Variants in CPVL observed in about 807,000 individuals in gnomAD.
The protein encoded by CPVL is probable serine carboxypeptidase CPVL.
A neutral mutation model predicts 63.7 loss-of-function variants in CPVL; 51 were observed. The observed-to-expected ratio is 0.80, with a 90% confidence interval of 0.64 to 1.01. The LOEUF is 1.01. CPVL is among the 50% of genes least tolerant of loss of function. CPVL has a pLI of 0.00. For missense variants in CPVL, 530 were observed against 573.1 expected, an observed-to-expected ratio of 0.92 and a Z score of 0.77; for synonymous variants, 195 against 206.0, an observed-to-expected ratio of 0.95 and a Z score of 0.46.
chr7:29,107,108 A>G (rs1019536248), intron 3 of CPVL, among the ~76,000 whole-genome samples: 1 of 152,256 alleles, frequency 6.6e-6, no homozygotes, highest in Non-Finnish European at 1.5e-5. Flanking sequence ...GTGCCCTCCC[A>G]ACATGGCATC....
intron 1 of CPVL, among the ~76,000 whole-genome samples, chr7:29,187,551 C>A (rs143467783): frequency 0.034 from 5,122 of 152,024 alleles, 308 homozygotes; most frequent in East Asian, 0.19. Flanking sequence ...TGGAGAAACC[C>A]CGTCTCTACT....
intron 7 of CPVL, chr7:29,082,552 A>C (rs1015101375): frequency 7.1e-4 from 108 of 152,092 alleles, no homozygotes; most frequent in African/African-American, 2.4e-3. Context: ...ATCATTATTT[A>C]GTGTTTTTTC....
In CPVL at chr7:29,112,292, T is replaced by C. The variant is rs1214785007; in HGVS notation, c.288+412A>G. On this transcript the variant is annotated intron_variant, in intron 3 of 12. Coordinates refer to ENST00000265394, the MANE Select transcript of CPVL (RefSeq NM_031311.5). ...CTATACAAGGCCATGGCTGACTAGATATAAACATACTTAGCCACGCATTAC... is the reference window on the plus strand; with the variant it reads ...CTATACAAGGCCATGGCTGACTAGACATAAACATACTTAGCCACGCATTAC... 2.0e-5 allele frequency among the ~76,000 whole-genome samples: 3 copies of C among 152,272 alleles called. No individual in the cohort carries two copies. In the East Asian group the frequency reaches 5.8e-4, roughly 29 times the overall value.
intron 11 of CPVL, among the ~76,000 whole-genome samples, chr7:29,044,718 C>T (rs1256928510): frequency 6.6e-6 from 1 of 152,216 alleles, no homozygotes; most frequent in Non-Finnish European, 1.5e-5. Flanking sequence ...TCCACCCTTT[C>T]TCGATTTGTC....
intron 5 of CPVL, among the ~76,000 whole-genome samples, chr7:29,160,728 T>C (rs572181958): frequency 1.3e-5 from 2 of 152,262 alleles, no homozygotes; most frequent in East Asian, 3.9e-4. Flanking sequence ...AAACCACATA[T>C]GCACTGAGGC....
rs540178249 is a variant in CPVL, at chr7:29,159,279, G to A, written c.-11+22011C>T. Among the ~76,000 whole-genome samples the A allele has an allele frequency of 2.6e-4, 39 of 152,298 alleles. 1 individual carries two copies. The highest frequency in any genetic ancestry group is 2.1e-4 in the South Asian group (1 of 4,828). On this transcript the variant is annotated intron_variant, in intron 5 of 16. Transcript: ENST00000409850. ...GGAAACTGAGCACAGAAGAGGTCAC[G>A]TGGTTTTCCACTATCCACAGCTGGT... is the stretch of plus-strand genomic sequence containing the variant.
At position 29,092,691 on chromosome 7, in the gene CPVL, G is replaced by T; in HGVS notation, c.474C>A (p.Gly158=). The T allele has an allele frequency of 1.2e-6, 2 of 1,613,034 alleles. No individual in the cohort carries two copies. The highest frequency in any genetic ancestry group is 4.5e-5 in the East Asian group (2 of 44,864). ...CGTGGGTATCATCAGTAAAACTGAA[G>T]CCTGTGCCCACCTGCAGGAGAAATA... The part of the protein sequence containing the change: ...MLYIDNPVGT[G]FSFTDDTHGY... Residue 158 remains glycine (G), a synonymous_variant, in exon 6 of 13, where the codon GGC becomes GGA. Coordinates refer to ENST00000265394, the MANE Select transcript of CPVL (RefSeq NM_031311.5).
chr7:29,195,435 C>G (rs377545824), upstream of CPVL: 16 of 170,726 alleles, frequency 9.4e-5, no homozygotes, highest in African/African-American at 3.6e-4. Context: ...TCCTCGCAGA[C>G]TTGATTTTCT....
intron 3 of CPVL, among the ~76,000 whole-genome samples, chr7:29,097,002 A>G (rs1243999243): frequency 6.6e-6 from 1 of 151,480 alleles, no homozygotes; most frequent in Non-Finnish European, 1.5e-5. Flanking sequence ...AAAAAAAAAA[A>G]AAAAAAAGAA....
chr7:29,091,589 C>T (rs1156662947), intron 6 of CPVL, among the ~76,000 whole-genome samples: 2 of 152,130 alleles, frequency 1.3e-5, no homozygotes, highest in African/African-American at 2.4e-5. Flanking sequence ...TCCCTAGGAC[C>T]CCACTGTATG....
intron 1 of CPVL, among the ~76,000 whole-genome samples, chr7:29,128,653 T>C (rs1264899499): frequency 6.8e-6 from 1 of 147,420 alleles, no homozygotes; most frequent in African/African-American, 2.5e-5. Context: ...GAGGTGGAGG[T>C]TGCATGAGCT....
rs531074656 is a variant in CPVL at position 29,070,142 on chromosome 7, A to T, written c.864+1631T>A. On this transcript the variant is annotated intron_variant, in intron 9 of 12. Transcript: ENST00000265394. ...AGATACGGGACCAATGGTCAAAAAG[A>T]CATTCCAAGCCTTCAAACGTTTTAC... 2.6e-5 allele frequency among the ~76,000 whole-genome samples: 4 copies of T among 152,278 alleles called. 1 individual carries two copies.
chr7:29,027,992 T>C (rs1333311321), intron 12 of CPVL, among the ~76,000 whole-genome samples: 1 of 152,040 alleles, frequency 6.6e-6, no homozygotes, highest in Non-Finnish European at 1.5e-5. Context: ...GTGAAAGCAA[T>C]ACTGAGCAAA....
intron 11 of CPVL, among the ~76,000 whole-genome samples, chr7:29,052,965 C>T (rs1019921458): frequency 4.5e-4 from 69 of 152,012 alleles, no homozygotes; most frequent in East Asian, 1.9e-4. Context: ...AACAAATAAC[C>T]CAATTAATTA....
chr7:29,132,163 T>C (rs2128659062), intron 1 of CPVL, among the ~76,000 whole-genome samples: 1 of 152,192 alleles, frequency 6.6e-6, no homozygotes, highest in East Asian at 1.9e-4. Context: ...TCTGAGGGCA[T>C]GAGACAGTGT....
At chr7:29,114,744 A>G (rs574319638) in intron 2 of CPVL, among the ~76,000 whole-genome samples, 8 of 152,276 alleles carry the variant, frequency 5.3e-5, no homozygotes, top group South Asian at 2.1e-4. Context: ...CCCACCATAC[A>G]GGCATTTAAC....
intron 9 of CPVL, among the ~76,000 whole-genome samples, chr7:29,066,907 T>A (rs1167762522): frequency 1.4e-4 from 21 of 151,508 alleles, no homozygotes; most frequent in Admixed American, 1.4e-3. Context: ...GCCAAAGGAG[T>A]TGGAAGAAAT....
chr7:28,995,830 G>A lies in CPVL; in HGVS notation c.1373C>T (p.Ala458Val). ...AATGAATCGATTAATCATGTCAAAA[G>A]CTCTCAGAGGCTGGTCATAGGGTAA... ...HILPYDQPLRAFDMINRFIYG... is the reference protein window; with the variant it reads ...HILPYDQPLRVFDMINRFIYG... The change falls in exon 13 of 13, where the codon GCT becomes GTT. Residue 458 changes from alanine (A) to valine (V), a missense_variant. Coordinates refer to ENST00000265394, the MANE Select transcript of CPVL (RefSeq NM_031311.5). 1 of 1,607,338 alleles carries A rather than the reference G, an allele frequency of 6.2e-7. No homozygotes were observed. Among genetic ancestry groups the A allele is most frequent in the Non-Finnish European group, 8.5e-7 (1 of 1,178,344 alleles).
intron 12 of CPVL, among the ~76,000 whole-genome samples, chr7:28,999,320 G>A (rs994574169): frequency 3.9e-5 from 6 of 152,148 alleles, no homozygotes; most frequent in Admixed American, 6.5e-5. Context: ...TTTCCAATTC[G>A]GAAGGTCCAG....
Sources: allele counts gnomAD v4.1 joint callset (sites outside exome capture counted in the v4.1 genomes callset), GRCh38; gene constraint gnomAD v4.1.1; transcripts MANE v1.5; gene names NCBI Gene and HGNC (gene_info 2026-07-23, HGNC 2026-07-21).